Variants in GLI3 observed in about 807,000 individuals in gnomAD.
The protein encoded by GLI3 is transcription activator GLI3.
Under a neutral mutation model 100.8 loss-of-function variants are expected in GLI3, and 20 were observed. That is an observed-to-expected ratio of 0.20 (90% confidence interval 0.14 to 0.29). The LOEUF (loss-of-function observed/expected upper bound fraction) is 0.29. Ranked by LOEUF, GLI3 falls within the 10% of genes least tolerant of loss-of-function variation. The pLI is 1.00. For synonymous variants in GLI3, 938 were observed against 860.5 expected, an observed-to-expected ratio of 1.09 and a Z score of -1.58; for missense variants, 2,040 against 2,128.5, an observed-to-expected ratio of 0.96 and a Z score of 0.82.
At chr7:42,090,730 A>C (rs1479601876) in intron 3 of GLI3, among the ~76,000 whole-genome samples, 1 of 152,194 alleles carries the variant, frequency 6.6e-6, no homozygotes, top group African/African-American at 2.4e-5. Flanking sequence ...TCCTCAGCTT[A>C]ACCTTCAGGG....
intron 2 of GLI3, among the ~76,000 whole-genome samples, chr7:42,216,339 A>G (rs1440726028): frequency 6.6e-6 from 1 of 152,246 alleles, no homozygotes; most frequent in Non-Finnish European, 1.5e-5. Context: ...AGTGCTGTGA[A>G]GGAAGGGACA....
In GLI3 at chr7:41,966,199, C is replaced by A; in HGVS notation, c.2874G>T (p.Ala958=). The A allele has an allele frequency of 1.2e-6, 2 of 1,606,162 alleles. No individual in the cohort carries two copies. Among genetic ancestry groups the A allele is most frequent in the South Asian group, 1.1e-5 (1 of 90,602 alleles). ...MERMSLKTRL[A]LLGDALEPGV... ...CAGGCTCGAGGGCATCCCCGAGCAG[C>A]GCCAGGCGCGTCTTCAGGCTCATCC... Residue 958 remains alanine (A), a synonymous_variant, in exon 15 of 15, where the codon GCG becomes GCT. Coordinates refer to ENST00000395925, the MANE Select transcript of GLI3 (RefSeq NM_000168.6). The surrounding 1 kb of genome is among the most constrained non-coding windows in gnomAD (Gnocchi z 5.8).
At chr7:42,138,924 G>A (rs1786494648) in intron 3 of GLI3, among the ~76,000 whole-genome samples, 1 of 152,178 alleles carries the variant, frequency 6.6e-6, no homozygotes, top group African/African-American at 2.4e-5. Flanking sequence ...CATGGCACAA[G>A]TCTCCTCCGG....
At position 42,212,638 on chromosome 7, in the gene GLI3, C is replaced by T. The variant is rs3801231; in HGVS notation, c.124+10492G>A. 1.4e-3 allele frequency among the ~76,000 whole-genome samples: 218 copies of T among 152,278 alleles called. 7 individuals carry two copies. The East Asian group carries it at 0.036, about 25-fold the overall frequency. ...ATTGAGAGCTAGCAATCCTAATAGA[C>T]GCTAATGAATTTGAAATTATAAGGA... On this transcript the variant is annotated intron_variant, in intron 2 of 14. Transcript: ENST00000395925.
intron 10 of GLI3, among the ~76,000 whole-genome samples, chr7:42,007,128 T>G (rs141482107): frequency 6.1e-4 from 91 of 150,178 alleles, no homozygotes; most frequent in African/African-American, 2.2e-3. Context: ...AAGGGCCAGT[T>G]GACCAACACC....
chr7:42,084,930 T>TTTTTTTTTTTTTTTTTTTTTTTTTTTTC (rs1785071558), intron 3 of GLI3, among the ~76,000 whole-genome samples: 1 of 104,122 alleles, frequency 9.6e-6, no homozygotes, highest in African/African-American at 4.1e-5. Flanking sequence ...TTTTTTTTTT[T>TTTTTTTTTTTTTTTTTTTTTTTTTTTTC]AGATTGAGTC....
chr7:42,255,025 G>A (rs1190874190), intron 1 of GLI3, among the ~76,000 whole-genome samples: 1 of 150,452 alleles, frequency 6.6e-6, no homozygotes, highest in Non-Finnish European at 1.5e-5. Flanking sequence ...TGCTCTTTGT[G>A]TTTCTCTCTG....
At chr7:42,057,380 A>G (rs919691497) in intron 4 of GLI3, among the ~76,000 whole-genome samples, 11 of 152,216 alleles carry the variant, frequency 7.2e-5, no homozygotes, top group Admixed American at 3.9e-4. Flanking sequence ...AGGAACTCTC[A>G]ATATGAGCGC....
intron 1 of GLI3, among the ~76,000 whole-genome samples, chr7:42,258,538 G>A (rs941676306): frequency 4.6e-5 from 7 of 152,162 alleles, no homozygotes; most frequent in Non-Finnish European, 4.4e-5. Flanking sequence ...TGATTAAGAT[G>A]TCACCATAAC....
chr7:42,072,039 G>A (rs1784793947), intron 4 of GLI3, among the ~76,000 whole-genome samples: 1 of 152,188 alleles, frequency 6.6e-6, no homozygotes, highest in African/African-American at 2.4e-5. Flanking sequence ...CCCTAAGACA[G>A]AAAAGCTGGT....
Position 42,023,574 on chromosome 7 carries a change from T to C in GLI3, c.1391A>G (p.Glu464Gly). 2 of 1,607,216 alleles carry C rather than the reference T, an allele frequency of 1.2e-6. No homozygotes were observed. The highest frequency in any genetic ancestry group is 1.7e-6 in the Non-Finnish European group (2 of 1,177,424). ...CTGTTTGCTTTCATCTTTGTCCCCT[T>C]CCTCCTTGACAAGGGTTGTTCCTTC... is the stretch of plus-strand genomic sequence containing the variant. ...QPEGTTLVKEEGDKDESKQEP... is the reference protein window; with the variant it reads ...QPEGTTLVKEGGDKDESKQEP... Residue 464 changes from glutamate (E) to glycine (G), a missense_variant, in exon 10 of 15, where the codon GAA becomes GGA. Physicochemically the swap from Glu to Gly is moderately conservative, Grantham distance 98. Transcript: ENST00000395925.
chr7:42,060,767 T>C (rs1444735420), intron 4 of GLI3, among the ~76,000 whole-genome samples: 1 of 152,072 alleles, frequency 6.6e-6, no homozygotes, highest in East Asian at 1.9e-4. Flanking sequence ...AACAACTAAG[T>C]CCCTCTATGA....
chr7:42,192,823 T>C (rs10261063), intron 2 of GLI3, among the ~76,000 whole-genome samples: 55,706 of 152,048 alleles, frequency 0.37, 10,414 homozygotes, highest in African/African-American at 0.45. Context: ...CTTGAATTCG[T>C]GCCTTTGGCA....
At chr7:42,192,307 T>C (rs892196484) in intron 2 of GLI3, among the ~76,000 whole-genome samples, 32 of 152,308 alleles carry the variant, frequency 2.1e-4, no homozygotes, top group African/African-American at 7.7e-4. Context: ...TCTAAGATGC[T>C]AGTCACTGGA....
At chr7:42,101,082 G>A (rs952171086) in intron 3 of GLI3, among the ~76,000 whole-genome samples, 1 of 152,124 alleles carries the variant, frequency 6.6e-6, no homozygotes, top group Non-Finnish European at 1.5e-5. Flanking sequence ...AGTGACTTTT[G>A]AAGAGGCTAC....
intron 2 of GLI3, among the ~76,000 whole-genome samples, chr7:42,196,959 T>C (rs955151856): frequency 3.3e-5 from 5 of 152,186 alleles, no homozygotes; most frequent in African/African-American, 9.7e-5. Flanking sequence ...CGTGTATACA[T>C]CATGTGCTTC....
intron 3 of GLI3, among the ~76,000 whole-genome samples, chr7:42,133,754 C>G (rs1786353292): frequency 1.3e-5 from 2 of 150,916 alleles, no homozygotes; most frequent in Admixed American, 1.3e-4. Context: ...ATCAAAGGAA[C>G]AAGACTGCAC....
At chr7:42,199,027 G>A (rs1333710392) in intron 2 of GLI3, among the ~76,000 whole-genome samples, 3 of 150,150 alleles carry the variant, frequency 2.0e-5, no homozygotes, top group Non-Finnish European at 4.4e-5. Flanking sequence ...TATGATGATA[G>A]ATAACAAATG....
intron 10 of GLI3, among the ~76,000 whole-genome samples, chr7:41,997,216 C>CA (rs1788151187): frequency 1.3e-5 from 2 of 152,072 alleles, no homozygotes; most frequent in Non-Finnish European, 2.9e-5. Context: ...GGAAAGGCAT[C>CA]CCTGAGTGAT....
Sources: gnomAD v4.1 joint callset for allele counts (sites outside exome capture counted in the v4.1 genomes callset) on GRCh38, gnomAD v4.1.1 for gene constraint, Gnocchi (gnomAD v3.1) non-coding constraint, MANE v1.5 for transcripts, NCBI Gene and HGNC (gene_info 2026-07-23, HGNC 2026-07-21) for gene names.